The following RTN1 variants were observed in gnomAD, a reference collection of about 807,000 sequenced individuals.
RTN1 encodes reticulon-1.
A neutral mutation model predicts 65.5 loss-of-function variants in RTN1; 25 were observed. The observed-to-expected ratio is 0.38, with a 90% CI of 0.28 to 0.53. The LOEUF (loss-of-function observed/expected upper bound fraction) is 0.53, where lower values mean the gene tolerates loss of function less well. RTN1 is among the 20% of genes least tolerant of loss of function. The pLI is 0.79. For missense variants in RTN1, 983 were observed against 1,025.4 expected (o/e 0.96, Z 0.57); for synonymous variants, 471 against 447.6 (o/e 1.05, Z -0.66).
Position 59,667,975 on chromosome 14 carries a change from T to C in RTN1, c.1765+58944A>G, listed in dbSNP as rs144087859. On this transcript the variant is annotated intron_variant, in intron 3 of 8. Coordinates refer to ENST00000267484, the MANE Select transcript of RTN1 (RefSeq NM_021136.3). Reference sequence around the variant, plus strand: ...AAGAGGACACGAACAAATGGAAGAATATTCCATGCTCATGGATAGGAAGAA... The same window carrying C: ...AAGAGGACACGAACAAATGGAAGAACATTCCATGCTCATGGATAGGAAGAA... 3.6e-3 allele frequency among the ~76,000 whole-genome samples: 545 copies of C among 152,220 alleles called. 2 individuals are homozygous for C. The highest frequency in any genetic ancestry group is 6.8e-3 in the Admixed American group (104 of 15,280).
intron 1 of RTN1, among the ~76,000 whole-genome samples, chr14:59,754,349 C>T (rs1308544355): frequency 6.6e-6 from 1 of 152,160 alleles, no homozygotes; most frequent in Non-Finnish European, 1.5e-5. Flanking sequence ...GATAGGATGA[C>T]AACGATGACT....
In RTN1 at chr14:59,803,019, A is replaced by G. The variant is rs1886574665; in HGVS notation, c.242-56538T>C. On this transcript the variant is annotated intron_variant, in intron 1 of 8. Transcript: ENST00000267484. The surrounding 1 kb of genome is among the most constrained non-coding windows in gnomAD (Gnocchi z 5.6). ...TGAAAAAAAAAAACCCTACACAACA[A>G]TCCACCATCCTCTTGGTGAAACTGA... Among the ~76,000 whole-genome samples, 1 of 152,048 alleles carries G rather than the reference A, an allele frequency of 6.6e-6. No homozygotes were observed. The highest frequency in any genetic ancestry group is 2.4e-5 in the African/African-American group (1 of 41,414).
intron 1 of RTN1, among the ~76,000 whole-genome samples, chr14:59,819,689 G>A (rs904089503): frequency 4.6e-5 from 7 of 152,070 alleles, no homozygotes; most frequent in Admixed American, 2.6e-4. Flanking sequence ...CCGGCATGGC[G>A]GGCTGCAGGT....
At chr14:59,602,942 C>T (rs1045499701) in intron 8 of RTN1, 123 bp downstream of exon 8, 2 of 650,386 alleles carry the variant, frequency 3.1e-6, no homozygotes, top group African/African-American at 1.9e-5. Flanking sequence ...TATATGATTC[C>T]AGTAAGTGAA....
chr14:59,782,966 T>G (rs966890763), intron 1 of RTN1, among the ~76,000 whole-genome samples: 1 of 152,172 alleles, frequency 6.6e-6, no homozygotes, highest in African/African-American at 2.4e-5. Flanking sequence ...CTGACTATGT[T>G]GACTCCCCAC....
rs775311462 is a variant in RTN1, at chr14:59,727,793, A to G, written c.1016-125T>C. 2 of 1,292,940 alleles carry G rather than the reference A, an allele frequency of 1.5e-6. No homozygotes were observed. The highest frequency in any genetic ancestry group is 1.6e-5 in the South Asian group (1 of 63,608). 80.1% of individuals were successfully genotyped at this position (1,292,940 alleles called of 1,614,324 possible). Reference sequence around the variant, plus strand: ...TGTTTTGTCGTTGCTTGAGAAACACATATCTCATTAGCACAAAAATAATCT... The same window carrying G: ...TGTTTTGTCGTTGCTTGAGAAACACGTATCTCATTAGCACAAAAATAATCT... On this transcript the variant is annotated intron_variant, in intron 2 of 8. Coordinates refer to ENST00000267484, the MANE Select transcript of RTN1 (RefSeq NM_021136.3). This position sits in a 1 kb window ranked among gnomAD's most constrained non-coding sequence, Gnocchi z 4.2.
At chr14:59,708,176 C>A (rs1000248435) in intron 3 of RTN1, among the ~76,000 whole-genome samples, 2 of 152,198 alleles carry the variant, frequency 1.3e-5, no homozygotes, top group African/African-American at 4.8e-5. Flanking sequence ...ATTATTCAAG[C>A]AAGGTTATAT....
At chr14:59,715,381 A>G (rs980284383) in intron 3 of RTN1, among the ~76,000 whole-genome samples, 2 of 152,222 alleles carry the variant, frequency 1.3e-5, no homozygotes, top group Non-Finnish European at 2.9e-5. Flanking sequence ...ATGTCTCCAT[A>G]AGAACTAAAA....
chr14:59,819,302 G>C (rs79078800), intron 1 of RTN1, among the ~76,000 whole-genome samples: 1 of 150,308 alleles, frequency 6.7e-6, no homozygotes, highest in Non-Finnish European at 1.5e-5. Flanking sequence ...CTCGGGTGGC[G>C]GGTCTTTATT....
intron 1 of RTN1, among the ~76,000 whole-genome samples, chr14:59,869,554 G>A (rs1887854841): frequency 7.7e-6 from 1 of 129,128 alleles, no homozygotes; most frequent in Non-Finnish European, 1.6e-5. Context: ...GCGAAGAATG[G>A]CCAAACCCAG....
intron 8 of RTN1, among the ~76,000 whole-genome samples, chr14:59,598,484 G>C (rs1169130911): frequency 6.6e-6 from 1 of 152,168 alleles, no homozygotes; most frequent in Admixed American, 6.5e-5. Context: ...TAGTTGAAGA[G>C]GTCTGGGCTG....
At chr14:59,652,681 G>A (rs1369809684) in intron 3 of RTN1, among the ~76,000 whole-genome samples, 1 of 152,102 alleles carries the variant, frequency 6.6e-6, no homozygotes, top group Admixed American at 6.6e-5. Flanking sequence ...CTACTTGAGG[G>A]TGGGAGGAGG....
At chr14:59,864,930 T>C (rs1474180528) in intron 1 of RTN1, among the ~76,000 whole-genome samples, 1 of 152,208 alleles carries the variant, frequency 6.6e-6, no homozygotes, top group Non-Finnish European at 1.5e-5. Flanking sequence ...AATGCTACCC[T>C]GTAGCATATC....
rs1403834335 is a variant in RTN1 at position 59,683,165 on chromosome 14, CTT to C, written c.1765+43752_1765+43753del. Among the ~76,000 whole-genome samples, 8 of 152,206 alleles carry C rather than the reference CTT, an allele frequency of 5.3e-5. No individual in the cohort carries two copies. The South Asian group carries it at 1.7e-3, about 32-fold the overall frequency. The stretch of plus-strand genomic sequence containing the variant: ...TGGAAATCACTAGTTGGCATCAACT[CTT>C]TGCTTTTATATAGCTGAAAAATACG... On this transcript the variant is annotated intron_variant, in intron 3 of 8. Coordinates refer to ENST00000267484, the MANE Select transcript of RTN1 (RefSeq NM_021136.3).
chr14:59,664,526 A>T (rs1478637365), intron 3 of RTN1, among the ~76,000 whole-genome samples: 1 of 152,158 alleles, frequency 6.6e-6, no homozygotes, highest in African/African-American at 2.4e-5. Context: ...GGCAACTAAC[A>T]TTATTTTTTA....
intron 3 of RTN1, among the ~76,000 whole-genome samples, chr14:59,661,710 T>C (rs1270316668): frequency 2.0e-5 from 3 of 152,220 alleles, no homozygotes; most frequent in African/African-American, 7.2e-5. Flanking sequence ...ACCCCATTCA[T>C]GCTAAAAACT....
chr14:59,682,655 T>C (rs1883768798), intron 3 of RTN1, among the ~76,000 whole-genome samples: 1 of 152,214 alleles, frequency 6.6e-6, no homozygotes, highest in African/African-American at 2.4e-5. Flanking sequence ...TGAGTAATGT[T>C]TCACACTTCA....
At chr14:59,861,607 G>A (rs1454153406) in intron 1 of RTN1, among the ~76,000 whole-genome samples, 1 of 152,032 alleles carries the variant, frequency 6.6e-6, no homozygotes, top group Non-Finnish European at 1.5e-5. Context: ...GCTTTTGCTT[G>A]AACATCACTA....
At chr14:59,637,574 T>C (rs1188229348) in intron 3 of RTN1, among the ~76,000 whole-genome samples, 2 of 151,832 alleles carry the variant, frequency 1.3e-5, no homozygotes, top group African/African-American at 4.8e-5. Context: ...TAGCTGGGTG[T>C]GGTGGTGCGT....
Sources: gnomAD v4.1 joint callset for allele counts (sites outside exome capture counted in the v4.1 genomes callset) on GRCh38, gnomAD v4.1.1 for gene constraint, Gnocchi (gnomAD v3.1) non-coding constraint, MANE v1.5 for transcripts, NCBI Gene and HGNC (gene_info 2026-07-23, HGNC 2026-07-21) for gene names.